The following KIF17 variants were observed in gnomAD, a reference collection of about 807,000 sequenced individuals.
KIF17 encodes kinesin family member 17.
A neutral mutation model predicts 96.8 loss-of-function variants in KIF17; 80 were observed. The ratio of observed to expected loss-of-function variants is 0.83; its 90% confidence interval spans 0.69 to 1.00. The LOEUF is 1.00. Ranked by LOEUF, KIF17 falls within the 50% of genes least tolerant of loss-of-function variation. The pLI is 0.00. For synonymous variants in KIF17, 567 were observed against 587.5 expected, an observed-to-expected ratio of 0.97 and a Z score of 0.51; for missense variants, 1,280 against 1,372.9, an observed-to-expected ratio of 0.93 and a Z score of 1.07.
At chr1:20,695,377 G>A (rs1185046731) in intron 6 of KIF17, among the ~76,000 whole-genome samples, 1 of 152,152 alleles carries the variant, frequency 6.6e-6, no homozygotes, top group African/African-American at 2.4e-5. Context: ...TAGTAGAGAC[G>A]GGGTTTCGCC....
chr1:20,698,671 C>T (rs2054184296), intron 5 of KIF17, among the ~76,000 whole-genome samples, 183 bp from the exon 6 acceptor site: 1 of 152,166 alleles, frequency 6.6e-6, no homozygotes, highest in Admixed American at 6.6e-5. Flanking sequence ...TGGAGCACCT[C>T]GATGTTCCAG....
At chr1:20,701,580 G>T (rs2054237072) in intron 5 of KIF17, among the ~76,000 whole-genome samples, 1 of 152,206 alleles carries the variant, frequency 6.6e-6, no homozygotes, top group African/African-American at 2.4e-5. Flanking sequence ...ACCAGCCTGG[G>T]ACAGCCCAGG....
At chr1:20,661,635 A>C, downstream of KIF17, 2 of 510,420 alleles carry the variant, frequency 3.9e-6, no homozygotes, top group Non-Finnish European at 7.0e-6. Context: ...GCCGCGGCCA[A>C]TCAACGAGGC....
chr1:20,714,673 T>A (rs1196406539), intron 2 of KIF17, among the ~76,000 whole-genome samples: 1 of 150,948 alleles, frequency 6.6e-6, no homozygotes, highest in Non-Finnish European at 1.5e-5. Context: ...GATGGGCGCC[T>A]GTAATCCCAG....
downstream of KIF17, among the ~76,000 whole-genome samples, chr1:20,663,273 A>T (rs893191291): frequency 2.0e-5 from 3 of 152,022 alleles, no homozygotes; most frequent in Non-Finnish European, 4.4e-5. Context: ...ACCGGCTCTG[A>T]CTCAGGACGT....
At position 20,717,834 on chromosome 1, in the gene KIF17, C is replaced by CACG; in HGVS notation, c.-129_-128insCGT. 1 of 929,962 alleles carries CACG rather than the reference C, an allele frequency of 1.1e-6. No homozygotes were observed. The highest frequency in any genetic ancestry group is 5.8e-5 in the Admixed American group (1 of 17,316). The allele number at this position is 929,962 out of a possible 1,614,324, so 57.6% of individuals were successfully genotyped here. A position where few individuals can be genotyped will look rare whatever the true frequency, so the allele number is the denominator to read the frequency against. On this transcript the variant is annotated 5_prime_UTR_variant, in exon 1 of 15. Coordinates refer to ENST00000400463, the MANE Select transcript of KIF17 (RefSeq NM_001122819.3). ...CGGGGCCTTGAGGCAGGGGCGGGGC[C>CACG]GCGGCGGGGGGCGGGGACCCCTCGG... is the stretch of plus-strand genomic sequence containing the variant.
In KIF17 at chr1:20,698,727, C is replaced by T. The variant is rs147386429; in HGVS notation, c.1124-239G>A. ...AACAAAGACAAAAACTCCACACCCA[C>T]GCTGAGTTTTCCACTGGGAAAAAGA... On this transcript the variant is annotated intron_variant, in intron 5 of 14. Coordinates refer to ENST00000400463, the MANE Select transcript of KIF17 (RefSeq NM_001122819.3). Among the ~76,000 whole-genome samples the T allele has an allele frequency of 7.3e-4, 111 of 152,290 alleles. 1 individual carries two copies. Among genetic ancestry groups the T allele is most frequent in the African/African-American group, 2.1e-3 (86 of 41,558 alleles).
chr1:20,688,786 G>A (rs1481846612), intron 7 of KIF17, among the ~76,000 whole-genome samples: 1 of 152,190 alleles, frequency 6.6e-6, no homozygotes, highest in African/African-American at 2.4e-5. Context: ...TCTGCTGGAG[G>A]CCTCATATTC....
intron 11 of KIF17, among the ~76,000 whole-genome samples, chr1:20,676,833 A>G (rs2053747242): frequency 6.6e-6 from 1 of 152,174 alleles, no homozygotes; most frequent in African/African-American, 2.4e-5. Context: ...TCCATCTCAG[A>G]AAAATAAAAT....
Position 20,687,700 on chromosome 1 carries a change from G to C in KIF17, c.1626C>G (p.Ser542=), listed in dbSNP as rs2053964285. The change falls in exon 8 of 15, where the codon TCC becomes TCG. Residue 542 remains serine, a synonymous_variant. Coordinates refer to ENST00000400463, the MANE Select transcript of KIF17 (RefSeq NM_001122819.3). This position sits in a 1 kb window ranked among gnomAD's most constrained non-coding sequence, Gnocchi z 4.4. Reference sequence around the variant, plus strand: ...CGGACACAGAGGTTTCTTCGAGCGAGGATGACTCACTGGAGCCCAGAGAAA... The same window carrying C: ...CGGACACAGAGGTTTCTTCGAGCGACGATGACTCACTGGAGCCCAGAGAAA... ...SEISLGSSES[S]SLEETSVSEA... is the part of the protein sequence containing the mutation. The C allele has an allele frequency of 6.8e-6, 11 of 1,614,202 alleles. No individual in the cohort carries two copies. The highest frequency in any genetic ancestry group is 9.3e-6 in the Non-Finnish European group (11 of 1,180,034).
intron 3 of KIF17, among the ~76,000 whole-genome samples, chr1:20,711,918 G>A (rs953510811): frequency 6.6e-5 from 10 of 152,100 alleles, no homozygotes; most frequent in African/African-American, 9.7e-5. Context: ...GAATAGGAAC[G>A]GTGCCTCCTC....
intron 3 of KIF17, among the ~76,000 whole-genome samples, chr1:20,712,549 T>C (rs2154537712): frequency 8.3e-6 from 1 of 119,850 alleles, no homozygotes; most frequent in Middle Eastern, 3.9e-3. Context: ...ATATTATAGA[T>C]ATTATCTATA....
chr1:20,673,067 A>C (rs2053675982), intron 11 of KIF17: 1 of 152,122 alleles, frequency 6.6e-6, no homozygotes, highest in African/African-American at 2.4e-5. Flanking sequence ...TCTACTAAAA[A>C]TACAAAAAAA....
intron 11 of KIF17, among the ~76,000 whole-genome samples, chr1:20,674,907 T>G (rs959432505): frequency 6.6e-6 from 1 of 152,060 alleles, no homozygotes; most frequent in African/African-American, 2.4e-5. Context: ...CCCAGCACTT[T>G]GGGAGGCCGA....
At chr1:20,670,184 A>T (rs1023816096) in intron 13 of KIF17, among the ~76,000 whole-genome samples, 14 of 152,188 alleles carry the variant, frequency 9.2e-5, no homozygotes, top group Admixed American at 7.2e-4. Flanking sequence ...GGGCCACCGA[A>T]CCATCTACTT....
intron 14 of KIF17, 48 bp from the exon 15 acceptor site, chr1:20,664,810 G>A (rs1041981064): frequency 6.4e-6 from 10 of 1,570,202 alleles, no homozygotes; most frequent in Non-Finnish European, 8.7e-6. Flanking sequence ...GCGCAGGGAT[G>A]GAGAGAAAAT....
chr1:20,671,156 T>C (rs2053641414), intron 12 of KIF17, among the ~76,000 whole-genome samples: 1 of 152,188 alleles, frequency 6.6e-6, no homozygotes, highest in Admixed American at 6.5e-5. Context: ...CTTTGGACCC[T>C]CTGAGATTGT....
rs1413749568 is a variant in KIF17, at chr1:20,685,126, C to T, written c.2020-106G>A. On this transcript the variant is annotated intron_variant, in intron 9 of 14. Transcript: ENST00000400463. This position sits in a 1 kb window ranked among gnomAD's most constrained non-coding sequence, Gnocchi z 4.1. ...GACGGGGCCATTCCGCCTGCTGCAG[C>T]CCCGACAGATCACCTCCAGCTCAGG... 2 of 849,522 alleles carry T rather than the reference C, an allele frequency of 2.4e-6. No homozygotes were observed. The highest frequency in any genetic ancestry group is 2.9e-5 in the South Asian group (2 of 69,194). The allele number at this position is 849,522 out of a possible 1,614,324, so 52.6% of individuals were successfully genotyped here. A position where few individuals can be genotyped will look rare whatever the true frequency, so the allele number is the denominator to read the frequency against.
chr1:20,690,580 T>C (rs538006857), intron 6 of KIF17, among the ~76,000 whole-genome samples: 3 of 152,014 alleles, frequency 2.0e-5, no homozygotes, highest in South Asian at 4.1e-4. Context: ...TGGAGTGCAA[T>C]GGCATAATCA....
Sources: gnomAD v4.1 joint callset for allele counts (sites outside exome capture counted in the v4.1 genomes callset) on GRCh38, gnomAD v4.1.1 for gene constraint, Gnocchi (gnomAD v3.1) non-coding constraint, MANE v1.5 for transcripts, NCBI Gene and HGNC (gene_info 2026-07-23, HGNC 2026-07-21) for gene names.